The following MTUS2 variants were observed in gnomAD, a reference collection of about 807,000 sequenced individuals.
The protein encoded by MTUS2 is microtubule associated scaffold protein 2.
A neutral mutation model predicts 114.1 loss-of-function variants in MTUS2; 40 were observed. That is an observed-to-expected ratio of 0.35 (90% CI 0.27 to 0.46). The LOEUF (loss-of-function observed/expected upper bound fraction) is 0.46. Among genes scored for constraint, MTUS2 ranks in the 20% least tolerant of loss-of-function variants. MTUS2 has a pLI of 1.00. For synonymous variants in MTUS2, 688 were observed against 672.0 expected, an observed-to-expected ratio of 1.02 and a Z score of -0.37; for missense variants, 1,679 against 1,705.4, an observed-to-expected ratio of 0.98 and a Z score of 0.27.
Position 29,274,907 on chromosome 13 carries a change from A to T in MTUS2, c.2645-6797A>T, listed in dbSNP as rs553085705. On this transcript the variant is annotated intron_variant, in intron 5 of 15. Transcript: ENST00000612955. ...ACCATGCCCCAGCTAATTTTTTTTT[A>T]AATTTTTTGTAGAGACAGGGTCTCA... Among the ~76,000 whole-genome samples, 20 of 151,784 alleles carry T rather than the reference A, an allele frequency of 1.3e-4. No individual in the cohort carries two copies. In the East Asian group the frequency reaches 1.4e-3, roughly 10 times the overall value.
intron 2 of MTUS2, among the ~76,000 whole-genome samples, chr13:28,851,650 G>A (rs1876277924): frequency 6.6e-6 from 1 of 152,214 alleles, no homozygotes; most frequent in Non-Finnish European, 1.5e-5. Flanking sequence ...AGCACGCACA[G>A]TTCCAGAGGC....
At chr13:29,276,416 A>T (rs1898065615) in intron 5 of MTUS2, among the ~76,000 whole-genome samples, 1 of 152,188 alleles carries the variant, frequency 6.6e-6, no homozygotes, top group African/African-American at 2.4e-5. Context: ...GATGATTCAG[A>T]TATCTACAGA....
intron 7 of MTUS2, among the ~76,000 whole-genome samples, chr13:29,357,478 C>T (rs1399309630): frequency 6.6e-6 from 1 of 152,190 alleles, no homozygotes; most frequent in Non-Finnish European, 1.5e-5. Context: ...TTTATAAAAT[C>T]ACGAGCCACA....
intron 4 of MTUS2, among the ~76,000 whole-genome samples, chr13:29,044,214 G>A (rs1887507842): frequency 9.7e-6 from 1 of 103,406 alleles, no homozygotes; most frequent in African/African-American, 3.6e-5. Flanking sequence ...GCTTTGTTCA[G>A]AATCCAAGCT....
chr13:29,250,927 A>C (rs1348122047), intron 5 of MTUS2, among the ~76,000 whole-genome samples: 4 of 152,182 alleles, frequency 2.6e-5, no homozygotes, highest in Non-Finnish European at 5.9e-5. Context: ...TATTGACCAA[A>C]GTTTTAAATA....
intron 2 of MTUS2, among the ~76,000 whole-genome samples, chr13:28,964,845 T>C (rs1260805947): frequency 2.0e-5 from 3 of 151,456 alleles, no homozygotes; most frequent in African/African-American, 7.3e-5. Flanking sequence ...TGCACATTTC[T>C]GAACAGCATC....
intron 9 of MTUS2, 99 bp downstream of exon 9, chr13:29,440,148 G>T (rs924942462): frequency 3.4e-5 from 39 of 1,161,276 alleles, no homozygotes; most frequent in Non-Finnish European, 4.4e-5. Context: ...ATAAGCCAGT[G>T]CAAACCTGCC....
At chr13:28,910,870 T>G (rs1880379646) in intron 2 of MTUS2, among the ~76,000 whole-genome samples, 1 of 103,760 alleles carries the variant, frequency 9.6e-6, no homozygotes, top group African/African-American at 3.7e-5. Flanking sequence ...TTTTTTTTTT[T>G]TTTTTTTTTT....
chr13:29,406,058 G>A (rs1401815847), intron 8 of MTUS2, among the ~76,000 whole-genome samples: 1 of 152,022 alleles, frequency 6.6e-6, no homozygotes, highest in African/African-American at 2.4e-5. Context: ...TGTTTAATAA[G>A]CCTTAACATC....
At chr13:29,190,036 A>T (rs1894383563) in intron 5 of MTUS2, among the ~76,000 whole-genome samples, 1 of 152,172 alleles carries the variant, frequency 6.6e-6, no homozygotes, top group Admixed American at 6.5e-5. Context: ...AAAGATGGCT[A>T]GGCTGTCTGC....
At chr13:29,326,955 CG>C (rs2138034011) in intron 7 of MTUS2, among the ~76,000 whole-genome samples, 1 of 151,724 alleles carries the variant, frequency 6.6e-6, no homozygotes, top group East Asian at 1.9e-4. Flanking sequence ...ACTCCAGCCT[CG>C]GCAACAGACT....
chr13:28,962,131 C>T (rs992848514), intron 2 of MTUS2, among the ~76,000 whole-genome samples: 9 of 151,188 alleles, frequency 6.0e-5, no homozygotes, highest in African/African-American at 2.2e-4. Context: ...GAAAAATATA[C>T]ATTTTTCAGA....
chr13:29,396,067 T>G (rs1009290107), intron 8 of MTUS2, among the ~76,000 whole-genome samples: 1 of 152,200 alleles, frequency 6.6e-6, no homozygotes, highest in African/African-American at 2.4e-5. Flanking sequence ...TCAGCTGTGG[T>G]TAAGATGTCA....
At chr13:29,162,786 G>A (rs1323803083) in intron 5 of MTUS2, among the ~76,000 whole-genome samples, 9 of 152,166 alleles carry the variant, frequency 5.9e-5, no homozygotes, top group Admixed American at 6.5e-5. Flanking sequence ...TTCATTTCTC[G>A]CTTTCTGATG....
intron 8 of MTUS2, among the ~76,000 whole-genome samples, chr13:29,397,381 C>T (rs1369832109): frequency 6.6e-6 from 1 of 152,180 alleles, no homozygotes; most frequent in Non-Finnish European, 1.5e-5. Flanking sequence ...TTCTTGGCGC[C>T]TCTATTTTCT....
rs143577722 is a variant in MTUS2 at position 29,363,559 on chromosome 13, T to A, written c.3117+4086T>A. On this transcript the variant is annotated intron_variant, in intron 8 of 15. Transcript: ENST00000612955. The stretch of plus-strand genomic sequence containing the variant: ...ATTTTACCTTTTATCACAAAAAAAA[T>A]TTAATATAGAATAGTGGAAAGAATA... Among the ~76,000 whole-genome samples, 788 of 152,258 alleles carry A rather than the reference T, an allele frequency of 5.2e-3. 11 individuals are homozygous for A. The highest frequency in any genetic ancestry group is 0.018 in the African/African-American group (764 of 41,552).
chr13:28,901,898 G>T (rs1879667826), intron 2 of MTUS2, among the ~76,000 whole-genome samples: 1 of 152,082 alleles, frequency 6.6e-6, no homozygotes, highest in Non-Finnish European at 1.5e-5. Context: ...AAACCTTGAT[G>T]GGATTTTGAT....
chr13:29,110,497 A>G (rs368541725), intron 5 of MTUS2, among the ~76,000 whole-genome samples: 15 of 152,222 alleles, frequency 9.9e-5, no homozygotes, highest in Admixed American at 2.6e-4. Flanking sequence ...GGATTTAAGT[A>G]TCTAGTTCCC....
intron 5 of MTUS2, among the ~76,000 whole-genome samples, chr13:29,114,723 T>A (rs1891017817): frequency 6.6e-6 from 1 of 152,188 alleles, no homozygotes; most frequent in Admixed American, 6.5e-5. Context: ...CTTGAAGACC[T>A]CCTGTCCAGC....
Sources: allele counts gnomAD v4.1 joint callset (sites outside exome capture counted in the v4.1 genomes callset), GRCh38; gene constraint gnomAD v4.1.1; transcripts MANE v1.5; gene names NCBI Gene and HGNC (gene_info 2026-07-23, HGNC 2026-07-21).